Variants in SOWAHC observed in about 807,000 individuals in gnomAD.
The protein encoded by SOWAHC is ankyrin repeat domain-containing protein SOWAHC.
SOWAHC carries 12 observed loss-of-function variants against 14.4 expected under a neutral mutation model. That is an observed-to-expected ratio of 0.83 (90% CI 0.53 to 1.35). The LOEUF (loss-of-function observed/expected upper bound fraction) is 1.35, where lower values mean the gene tolerates loss of function less well. Among genes scored for constraint, SOWAHC ranks in the 40% most tolerant of loss-of-function variants. The pLI is 0.00. For missense variants in SOWAHC, 771 were observed against 752.8 expected, an observed-to-expected ratio of 1.02 and a Z score of -0.28; for synonymous variants, 398 against 347.0, an observed-to-expected ratio of 1.15 and a Z score of -1.63.
In SOWAHC at chr2:109,614,966, C is replaced by T. The variant is rs1270679253; in HGVS notation, c.477C>T (p.Arg159=). 6.5e-7 allele frequency: 1 copy of T among 1,528,870 alleles called. No homozygotes were observed. The highest frequency in any genetic ancestry group is 8.8e-7 in the Non-Finnish European group (1 of 1,141,650). The allele number at this position is 1,528,870 out of a possible 1,614,324, so 94.7% of individuals were successfully genotyped here. Residue 159 remains arginine, a synonymous_variant, in exon 1 of 1, where the codon CGC becomes CGT. Coordinates refer to ENST00000356454, the MANE Select transcript of SOWAHC (RefSeq NM_023016.4). ...SAGARRKNSR[R]DVQPLPRTPA... is the part of the protein sequence containing the mutation. ...GGGCTCGCAGGAAGAACTCGCGGCGCGACGTGCAGCCCCTACCGCGGACTC... is the reference window on the plus strand; with the variant it reads ...GGGCTCGCAGGAAGAACTCGCGGCGTGACGTGCAGCCCCTACCGCGGACTC...
chr2:109,616,129 T>A lies in SOWAHC; in HGVS notation c.*62T>A. ...TCTTAATAAATTGAATACTAGGTGTTGTAAGGAAGTGAGACCAGAAGGACA... is the reference window on the plus strand; with the variant it reads ...TCTTAATAAATTGAATACTAGGTGTAGTAAGGAAGTGAGACCAGAAGGACA... On this transcript the variant is annotated 3_prime_UTR_variant, in exon 1 of 1. Transcript: ENST00000356454. 7.0e-7 allele frequency: 1 copy of A among 1,425,458 alleles called. No individual in the cohort carries two copies. Among genetic ancestry groups the A allele is most frequent in the Non-Finnish European group, 9.2e-7 (1 of 1,090,232 alleles). 88.3% of individuals were successfully genotyped at this position (1,425,458 alleles called of 1,614,324 possible). A position where few individuals can be genotyped will look rare whatever the true frequency, so the allele number is the denominator to read the frequency against.
chr2:109,614,942 G>A lies in SOWAHC; in HGVS notation c.453G>A (p.Gly151=), dbSNP rs1386364261. 3 of 1,517,822 alleles carry A rather than the reference G, an allele frequency of 2.0e-6. No homozygotes were observed. In the East Asian group the frequency reaches 7.6e-5, roughly 38 times the overall value. 94.0% of individuals were successfully genotyped at this position (1,517,822 alleles called of 1,614,324 possible). A position where few individuals can be genotyped will look rare whatever the true frequency, so the allele number is the denominator to read the frequency against. ...CGCACTGGCCGCCCCTGAGCGCCGGGGCTCGCAGGAAGAACTCGCGGCGCG... is the reference window on the plus strand; with the variant it reads ...CGCACTGGCCGCCCCTGAGCGCCGGAGCTCGCAGGAAGAACTCGCGGCGCG... The part of the protein sequence containing the change: ...APAHWPPLSA[G]ARRKNSRRDV... Residue 151 remains glycine, a synonymous_variant, in exon 1 of 1, where the codon GGG becomes GGA. Transcript: ENST00000356454.
chr2:109,616,216 T>G lies in SOWAHC; in HGVS notation c.*149T>G. On this transcript the variant is annotated 3_prime_UTR_variant, in exon 1 of 1. Coordinates refer to ENST00000356454, the MANE Select transcript of SOWAHC (RefSeq NM_023016.4). ...GGATGGGGCGGAGTTCTCTTCAGGC[T>G]AGCCTTCTGGGAAAAGTGGATGTCT... The G allele has an allele frequency of 7.9e-7, 1 of 1,259,824 alleles. No individual in the cohort carries two copies. The highest frequency in any genetic ancestry group is 2.8e-5 in the South Asian group (1 of 35,354). 78.0% of individuals were successfully genotyped at this position (1,259,824 alleles called of 1,614,324 possible).
Position 109,618,598 on chromosome 2 carries a change from T to A in SOWAHC, c.*2531T>A, listed in dbSNP as rs963851286. 2 of 167,048 alleles carry A rather than the reference T, an allele frequency of 1.2e-5. No individual in the cohort carries two copies. Among genetic ancestry groups the A allele is most frequent in the Non-Finnish European group, 2.9e-5 (2 of 68,114 alleles). The allele number at this position is 167,048 out of a possible 1,614,324, so 10.3% of individuals were successfully genotyped here. On this transcript the variant is annotated 3_prime_UTR_variant, in exon 1 of 1. Coordinates refer to ENST00000356454, the MANE Select transcript of SOWAHC (RefSeq NM_023016.4). Reference sequence around the variant, plus strand: ...GCATTTTCGGCTACTTAACTTTACATTCCTCTTATTTTTCAGTTTCCAGTC... The same window carrying A: ...GCATTTTCGGCTACTTAACTTTACAATCCTCTTATTTTTCAGTTTCCAGTC...
rs1374785946 is a variant in SOWAHC, at chr2:109,614,584, C to T, written c.95C>T (p.Ala32Val). 3.5e-6 allele frequency: 5 copies of T among 1,409,868 alleles called. No homozygotes were observed. The highest frequency in any genetic ancestry group is 4.6e-6 in the Non-Finnish European group (5 of 1,084,522). The allele number at this position is 1,409,868 out of a possible 1,614,324, so 87.3% of individuals were successfully genotyped here. A position where few individuals can be genotyped will look rare whatever the true frequency, so the allele number is the denominator to read the frequency against. Residue 32 changes from alanine (A) to valine (V), a missense_variant, in exon 1 of 1, where the codon GCC becomes GTC. Ala to Val is a moderately conservative substitution (Grantham distance 64). Coordinates refer to ENST00000356454, the MANE Select transcript of SOWAHC (RefSeq NM_023016.4). ...LAERGGRALH[A>V]ELVQHFRGAL... is the part of the protein sequence containing the mutation. ...GAGCGCGGGGGCCGGGCCCTGCACG[C>T]CGAGCTGGTGCAGCACTTCAGGGGC...
Position 109,617,368 on chromosome 2 carries a change from T to C in SOWAHC, c.*1301T>C, listed in dbSNP as rs894134381. ...CTTTGTATATAAATGAAAAATACCA[T>C]TCATTAAAATTAAGTACTCGTTTAA... is the stretch of plus-strand genomic sequence containing the variant. On this transcript the variant is annotated 3_prime_UTR_variant, in exon 1 of 1. Transcript: ENST00000356454. 1.3e-4 allele frequency: 22 copies of C among 167,082 alleles called. No homozygotes were observed. The highest frequency in any genetic ancestry group is 4.4e-5 in the Non-Finnish European group (3 of 68,108). 10.3% of individuals were successfully genotyped at this position (167,082 alleles called of 1,614,324 possible).
At position 109,616,037 on chromosome 2, in the gene SOWAHC, A is replaced by C; in HGVS notation, c.1548A>C (p.Thr516=). Residue 516 remains threonine, a synonymous_variant, in exon 1 of 1, where the codon ACA becomes ACC. Transcript: ENST00000356454. The stretch of plus-strand genomic sequence containing the variant: ...CTGTTAAAGGCCACTCGCCCTTCAC[A>C]TTGAGACCAAAGTCCAATGTATTTG... ...ERPVKGHSPF[T]LRPKSNVFG The C allele has an allele frequency of 6.6e-7, 1 of 1,515,830 alleles. No individual in the cohort carries two copies. Among genetic ancestry groups the C allele is most frequent in the Non-Finnish European group, 8.8e-7 (1 of 1,133,734 alleles). The allele number at this position is 1,515,830 out of a possible 1,614,324, so 93.9% of individuals were successfully genotyped here.
Position 109,617,558 on chromosome 2 carries a change from G to A in SOWAHC, c.*1491G>A, listed in dbSNP as rs150708724. Reference sequence around the variant, plus strand: ...GTCCTCCTTTAGTCTTTTGGGTCGCGTAGTTGCTGAAACCTAAGTACCTGC... The same window carrying A: ...GTCCTCCTTTAGTCTTTTGGGTCGCATAGTTGCTGAAACCTAAGTACCTGC... On this transcript the variant is annotated 3_prime_UTR_variant, in exon 1 of 1. Coordinates refer to ENST00000356454, the MANE Select transcript of SOWAHC (RefSeq NM_023016.4). 1.8e-5 allele frequency: 3 copies of A among 166,960 alleles called. No homozygotes were observed. Among genetic ancestry groups the A allele is most frequent in the South Asian group, 2.1e-4 (1 of 4,832 alleles). 10.3% of individuals were successfully genotyped at this position (166,960 alleles called of 1,614,324 possible). A position where few individuals can be genotyped will look rare whatever the true frequency, so the allele number is the denominator to read the frequency against.
At position 109,615,708 on chromosome 2, in the gene SOWAHC, G is replaced by A. The variant is rs997882431; in HGVS notation, c.1219G>A (p.Gly407Ser). ...CGAGGGTGACGGGGAAAGCGCCGCG[G>A]GTAGCGGCGGCGGGCGCTGGAGGCT... is the stretch of plus-strand genomic sequence containing the variant. ...LDEGDGESAA[G>S]SGGGRWRLSK... Residue 407 changes from glycine to serine, a missense_variant, in exon 1 of 1, where the codon GGT becomes AGT. Coordinates refer to ENST00000356454, the MANE Select transcript of SOWAHC (RefSeq NM_023016.4). The A allele has an allele frequency of 6.2e-7, 1 of 1,613,682 alleles. No individual in the cohort carries two copies. The highest frequency in any genetic ancestry group is 8.5e-7 in the Non-Finnish European group (1 of 1,179,732).
At position 109,614,620 on chromosome 2, in the gene SOWAHC, G is replaced by T; in HGVS notation, c.131G>T (p.Gly44Val). 6.8e-7 allele frequency: 1 copy of T among 1,460,956 alleles called. No individual in the cohort carries two copies. The highest frequency in any genetic ancestry group is 9.0e-7 in the Non-Finnish European group (1 of 1,110,446). The allele number at this position is 1,460,956 out of a possible 1,614,324, so 90.5% of individuals were successfully genotyped here. A position where few individuals can be genotyped will look rare whatever the true frequency, so the allele number is the denominator to read the frequency against. The change falls in exon 1 of 1, where the codon GGC (glycine) becomes GTC (valine). Residue 44 changes from glycine to valine, a missense_variant. Physicochemically the swap from Gly to Val is moderately radical, Grantham distance 109. Coordinates refer to ENST00000356454, the MANE Select transcript of SOWAHC (RefSeq NM_023016.4). ...LVQHFRGALGGEPEQRARARA... is the reference protein window; with the variant it reads ...LVQHFRGALGVEPEQRARARA... ...CAGCACTTCAGGGGCGCCCTAGGCG[G>T]CGAACCGGAGCAGCGCGCCCGCGCC...
Position 109,616,221 on chromosome 2 carries a change from T to C in SOWAHC, c.*154T>C. ...GGGCGGAGTTCTCTTCAGGCTAGCC[T>C]TCTGGGAAAAGTGGATGTCTTTTTC... On this transcript the variant is annotated 3_prime_UTR_variant, in exon 1 of 1. Transcript: ENST00000356454. 8.1e-7 allele frequency: 1 copy of C among 1,228,816 alleles called. No individual in the cohort carries two copies. The highest frequency in any genetic ancestry group is 2.9e-5 in the East Asian group (1 of 33,918). The allele number at this position is 1,228,816 out of a possible 1,614,324, so 76.1% of individuals were successfully genotyped here.
Position 109,614,910 on chromosome 2 carries a change from G to T in SOWAHC, c.421G>T (p.Ala141Ser). ...GRELGEGEPPAPAHWPPLSAG... is the reference protein window; with the variant it reads ...GRELGEGEPPSPAHWPPLSAG... ...CGAGCTGGGCGAGGGAGAGCCCCCCGCCCCCGCGCACTGGCCGCCCCTGAG... is the reference window on the plus strand; with the variant it reads ...CGAGCTGGGCGAGGGAGAGCCCCCCTCCCCCGCGCACTGGCCGCCCCTGAG... Residue 141 changes from alanine to serine, a missense_variant, in exon 1 of 1, where the codon GCC (alanine) becomes TCC (serine). Transcript: ENST00000356454. 6.9e-7 allele frequency: 1 copy of T among 1,451,564 alleles called. No homozygotes were observed. Among genetic ancestry groups the T allele is most frequent in the Non-Finnish European group, 9.0e-7 (1 of 1,111,914 alleles). The allele number at this position is 1,451,564 out of a possible 1,614,324, so 89.9% of individuals were successfully genotyped here.
chr2:109,615,365 C>T lies in SOWAHC; in HGVS notation c.876C>T (p.Gly292=), dbSNP rs536281994. ...SLEGLLTCEP[G]LLVKRDFITG... ...AGGGCTTGCTCACCTGCGAGCCCGG[C>T]CTGCTGGTCAAGCGGGACTTCATTA... The change falls in exon 1 of 1, where the codon GGC becomes GGT. Residue 292 remains glycine, a synonymous_variant. Coordinates refer to ENST00000356454, the MANE Select transcript of SOWAHC (RefSeq NM_023016.4). 7 of 1,612,944 alleles carry T rather than the reference C, an allele frequency of 4.3e-6. No homozygotes were observed. Among genetic ancestry groups the T allele is most frequent in the South Asian group, 3.3e-5 (3 of 91,074 alleles).
chr2:109,615,860 G>A lies in SOWAHC; in HGVS notation c.1371G>A (p.Gly457=). 1 of 1,613,998 alleles carries A rather than the reference G, an allele frequency of 6.2e-7. No homozygotes were observed. Residue 457 remains glycine (G), a synonymous_variant, in exon 1 of 1, where the codon GGG becomes GGA. Coordinates refer to ENST00000356454, the MANE Select transcript of SOWAHC (RefSeq NM_023016.4). The stretch of plus-strand genomic sequence containing the variant: ...TCGGAGGCAAAGCCAAGGATCCAGG[G>A]CGCAAAGCCTCGGGCAGCTCTAGTG... ...GWVGGKAKDP[G]RKASGSSSGR...
Position 109,616,174 on chromosome 2 carries a change from A to T in SOWAHC, c.*107A>T. On this transcript the variant is annotated 3_prime_UTR_variant, in exon 1 of 1. Transcript: ENST00000356454. ...AGGACAAGCTAAATTATGCATTCTT[A>T]CTTGAGGGATCGGAATGGATGGGGC... 1 of 1,392,984 alleles carries T rather than the reference A, an allele frequency of 7.2e-7. No homozygotes were observed. The highest frequency in any genetic ancestry group is 9.3e-7 in the Non-Finnish European group (1 of 1,073,956). The allele number at this position is 1,392,984 out of a possible 1,614,324, so 86.3% of individuals were successfully genotyped here.
Position 109,615,901 on chromosome 2 carries a change from G to C in SOWAHC, c.1412G>C (p.Arg471Thr). The C allele has an allele frequency of 6.2e-7, 1 of 1,611,640 alleles. No homozygotes were observed. Among genetic ancestry groups the C allele is most frequent in the South Asian group, 1.1e-5 (1 of 90,762 alleles). The part of the protein sequence containing the change: ...SGSSSGRIKP[R>T]LNKIRFRTQI... ...AGCTCTAGTGGACGTATAAAACCCA[G>C]ACTCAACAAAATCCGATTCAGAACC... Residue 471 changes from arginine to threonine, a missense_variant, in exon 1 of 1, where the codon AGA becomes ACA. Transcript: ENST00000356454.
rs2106440232 is a variant in SOWAHC, at chr2:109,618,044, A to G, written c.*1977A>G. ...AAAAAAAAAAAAAAAGATGAATGAA[A>G]ATATGAAATATATAAACTAGTATCC... On this transcript the variant is annotated 3_prime_UTR_variant, in exon 1 of 1. Transcript: ENST00000356454. The G allele has an allele frequency of 6.0e-6, 1 of 167,036 alleles. No homozygotes were observed. The highest frequency in any genetic ancestry group is 2.4e-5 in the African/African-American group (1 of 41,524). The allele number at this position is 167,036 out of a possible 1,614,324, so 10.3% of individuals were successfully genotyped here. A position where few individuals can be genotyped will look rare whatever the true frequency, so the allele number is the denominator to read the frequency against.
rs1700175593 is a variant in SOWAHC at position 109,618,332 on chromosome 2, A to G, written c.*2265A>G. The G allele has an allele frequency of 6.0e-6, 1 of 166,940 alleles. No individual in the cohort carries two copies. The highest frequency in any genetic ancestry group is 2.4e-5 in the African/African-American group (1 of 41,454). The allele number at this position is 166,940 out of a possible 1,614,324, so 10.3% of individuals were successfully genotyped here. On this transcript the variant is annotated 3_prime_UTR_variant, in exon 1 of 1. Coordinates refer to ENST00000356454, the MANE Select transcript of SOWAHC (RefSeq NM_023016.4). ...TCTAAAGAGCAGATGCTTCAGAACCATCAGAAGGTTCTGGTCAACAGTCAG... is the reference window on the plus strand; with the variant it reads ...TCTAAAGAGCAGATGCTTCAGAACCGTCAGAAGGTTCTGGTCAACAGTCAG...
rs753641119 is a variant in SOWAHC at position 109,615,793 on chromosome 2, G to T, written c.1304G>T (p.Gly435Val). 6 of 1,614,026 alleles carry T rather than the reference G, an allele frequency of 3.7e-6. No homozygotes were observed. The highest frequency in any genetic ancestry group is 8.5e-7 in the Non-Finnish European group (1 of 1,180,048). ...TYKLSHALED[G>V]GDHHHHHHSA... Reference sequence around the variant, plus strand: ...AAACTCTCACACGCCCTAGAAGATGGAGGGGACCATCACCACCATCACCAC... The same window carrying T: ...AAACTCTCACACGCCCTAGAAGATGTAGGGGACCATCACCACCATCACCAC... The change falls in exon 1 of 1, where the codon GGA becomes GTA. Residue 435 changes from glycine to valine, a missense_variant. Physicochemically the swap from Gly to Val is moderately radical, Grantham distance 109. Coordinates refer to ENST00000356454, the MANE Select transcript of SOWAHC (RefSeq NM_023016.4).
Sources: gnomAD v4.1 joint callset for allele counts on GRCh38, gnomAD v4.1.1 for gene constraint, MANE v1.5 for transcripts, NCBI Gene and HGNC (gene_info 2026-07-23, HGNC 2026-07-21) for gene names.